Variants in COL13A1 observed in about 807,000 individuals in gnomAD.
COL13A1 encodes collagen type XIII alpha 1 chain, also known as collagen alpha-1(XIII) chain.
In COL13A1, 89 loss-of-function variants were observed where a neutral mutation model predicts 130.9. That is an observed-to-expected ratio of 0.68 (90% CI 0.57 to 0.81). The LOEUF (loss-of-function observed/expected upper bound fraction) is 0.81. Among genes scored for constraint, COL13A1 ranks in the 30% least tolerant of loss-of-function variants. The pLI, the probability that COL13A1 is intolerant of heterozygous loss-of-function variation, is 0.00. For missense variants in COL13A1, 879 were observed against 934.6 expected, an observed-to-expected ratio of 0.94 and a Z score of 0.78; for synonymous variants, 402 against 341.6, an observed-to-expected ratio of 1.18 and a Z score of -1.95.
chr10:69,922,442 C>G (rs1289895362), intron 22 of COL13A1, among the ~76,000 whole-genome samples: 2 of 152,226 alleles, frequency 1.3e-5, no homozygotes, highest in African/African-American at 2.4e-5. Context: ...TCTCAACCCA[C>G]TGAACAGTGT....
At chr10:69,917,761 C>T (rs554679342) in intron 18 of COL13A1, among the ~76,000 whole-genome samples, 3 of 152,068 alleles carry the variant, frequency 2.0e-5, no homozygotes, top group South Asian at 4.2e-4. Context: ...CTCCCCAGTC[C>T]ATGAGGGCAG....
intron 2 of COL13A1, among the ~76,000 whole-genome samples, chr10:69,845,528 C>G (rs1004047214): frequency 8.6e-5 from 13 of 152,024 alleles, no homozygotes; most frequent in Non-Finnish European, 1.8e-4. Context: ...AATACCCCCA[C>G]CCCTGCAGCT....
chr10:69,906,932 T>C (rs1253442201), intron 17 of COL13A1, among the ~76,000 whole-genome samples: 3 of 152,124 alleles, frequency 2.0e-5, no homozygotes, highest in African/African-American at 7.2e-5. Flanking sequence ...GGTTTCACCA[T>C]GTTGGCCAGG....
In COL13A1 at chr10:69,802,087, G is replaced by A. The variant is rs1019290608; in HGVS notation, c.-337G>A. ...CGAGGCGCCCAGAAGGACTGACAGC[G>A]CGGCACCAACTGCTCTGCAGACACT... is the stretch of plus-strand genomic sequence containing the variant. On this transcript the variant is annotated 5_prime_UTR_variant, in exon 1 of 41. Coordinates refer to ENST00000645393, the MANE Select transcript of COL13A1 (RefSeq NM_001368882.1). 8.6e-6 allele frequency: 2 copies of A among 232,960 alleles called. No homozygotes were observed. Among genetic ancestry groups the A allele is most frequent in the African/African-American group, 2.3e-5 (1 of 43,944 alleles). 14.4% of individuals were successfully genotyped at this position (232,960 alleles called of 1,614,324 possible). A position where few individuals can be genotyped will look rare whatever the true frequency, so the allele number is the denominator to read the frequency against.
intron 22 of COL13A1, among the ~76,000 whole-genome samples, chr10:69,922,462 T>C (rs2064810251): frequency 6.6e-6 from 1 of 152,218 alleles, no homozygotes; most frequent in Non-Finnish European, 1.5e-5. Context: ...TTCCGTGGAA[T>C]ACACTTTGAG....
At chr10:69,874,992 A>G (rs1053817416) in intron 4 of COL13A1, 136 bp from the exon 5 acceptor site, 1 of 951,408 alleles carries the variant, frequency 1.1e-6, no homozygotes, top group Non-Finnish European at 1.6e-6. Flanking sequence ...ATGCTTGGGC[A>G]TCATACGGGA....
In COL13A1 at chr10:69,802,488, C is replaced by T; in HGVS notation, c.65C>T (p.Ala22Val). The change falls in exon 1 of 41, where the codon GCG becomes GTG. Residue 22 changes from alanine (A) to valine (V), a missense_variant. By Grantham distance (64) the Ala-to-Val change is moderately conservative. Coordinates refer to ENST00000645393, the MANE Select transcript of COL13A1 (RefSeq NM_001368882.1). Reference sequence around the variant, plus strand: ...GCCCGCGGCCCTGGGGAGTTGGGCGCGCCCGGGACGGTGGCTCTGGTGGCG... The same window carrying T: ...GCCCGCGGCCCTGGGGAGTTGGGCGTGCCCGGGACGGTGGCTCTGGTGGCG... ...TGARGPGELG[A>V]PGTVALVAAR... 6.6e-7 allele frequency: 1 copy of T among 1,522,792 alleles called. No individual in the cohort carries two copies. Among genetic ancestry groups the T allele is most frequent in the Non-Finnish European group, 8.8e-7 (1 of 1,138,026 alleles). 94.3% of individuals were successfully genotyped at this position (1,522,792 alleles called of 1,614,324 possible).
chr10:69,842,036 C>T (rs996332835), intron 2 of COL13A1, among the ~76,000 whole-genome samples: 1 of 152,202 alleles, frequency 6.6e-6, no homozygotes, highest in African/African-American at 2.4e-5. Context: ...ATTATGAAAG[C>T]TCAGACTAGC....
intron 19 of COL13A1, among the ~76,000 whole-genome samples, 179 bp downstream of exon 19, chr10:69,918,496 G>A (rs2064216141): frequency 6.6e-6 from 1 of 152,214 alleles, no homozygotes; most frequent in Admixed American, 6.5e-5. Context: ...AGCCACAGAT[G>A]TGTAACTAAG....
chr10:69,810,430 C>T (rs1282880473), intron 1 of COL13A1, among the ~76,000 whole-genome samples: 1 of 147,466 alleles, frequency 6.8e-6, no homozygotes, highest in African/African-American at 2.5e-5. Flanking sequence ...ACAGTGAAAC[C>T]CAGACCCCCT....
At position 69,930,532 on chromosome 10, in the gene COL13A1, A is replaced by T; in HGVS notation, c.1663A>T (p.Thr555Ser). The T allele has an allele frequency of 6.2e-7, 1 of 1,613,700 alleles. No homozygotes were observed. The highest frequency in any genetic ancestry group is 8.5e-7 in the Non-Finnish European group (1 of 1,179,786). Reference protein sequence around the residue: ...SPGEKGEKGETGQAGSPGEKG... With the variant: ...SPGEKGEKGESGQAGSPGEKG... ...AGGAGAGAAGGGGGAAAAAGGGGAG[A>T]CAGGACAAGCAGGCTCACCGGTGAG... The change falls in exon 30 of 41, where the codon ACA (threonine) becomes TCA (serine). Residue 555 changes from threonine to serine, a missense_variant. Thr to Ser is a moderately conservative substitution (Grantham distance 58, BLOSUM62 1). Transcript: ENST00000645393.
At chr10:69,869,741 C>A (rs2094607283) in intron 3 of COL13A1, among the ~76,000 whole-genome samples, 3 of 152,208 alleles carry the variant, frequency 2.0e-5, no homozygotes, top group Admixed American at 1.3e-4. Flanking sequence ...GGCATCAGTG[C>A]TCAAGCTGAC....
In COL13A1 at chr10:69,828,485, C is replaced by G. The variant is rs1414574223; in HGVS notation, c.364+6047C>G. Among the ~76,000 whole-genome samples the G allele has an allele frequency of 3.3e-5, 5 of 152,332 alleles. No homozygotes were observed. The East Asian group carries it at 9.6e-4, about 29-fold the overall frequency. ...TCATACCCCCCATCCCAAAGATAAGCCCACTTTGTCTCTCTAGCCTGATCT... is the reference window on the plus strand; with the variant it reads ...TCATACCCCCCATCCCAAAGATAAGGCCACTTTGTCTCTCTAGCCTGATCT... On this transcript the variant is annotated intron_variant, in intron 2 of 40. Coordinates refer to ENST00000645393, the MANE Select transcript of COL13A1 (RefSeq NM_001368882.1).
intron 33 of COL13A1, 146 bp downstream of exon 33, chr10:69,936,928 G>A (rs991001953): frequency 1.2e-6 from 1 of 863,818 alleles, no homozygotes; most frequent in African/African-American, 1.7e-5. Context: ...GGAAGTCCTA[G>A]ATTCCCTTTA....
intron 1 of COL13A1, among the ~76,000 whole-genome samples, chr10:69,815,967 G>A (rs1360636720): frequency 1.3e-5 from 2 of 151,854 alleles, no homozygotes; most frequent in East Asian, 3.9e-4. Context: ...GGTGCAGGAG[G>A]TGAGGAAGGC....
intron 16 of COL13A1, among the ~76,000 whole-genome samples, 183 bp downstream of exon 16, chr10:69,905,142 T>C (rs1002508730): frequency 2.6e-5 from 4 of 152,144 alleles, no homozygotes; most frequent in African/African-American, 9.7e-5. Flanking sequence ...CCAACAAGAA[T>C]TGCACTTCTT....
At position 69,802,725 on chromosome 10, in the gene COL13A1, C is replaced by A; in HGVS notation, c.294+8C>A. On this transcript the variant is annotated splice_region_variant and intron_variant, in intron 1 of 40. Coordinates refer to ENST00000645393, the MANE Select transcript of COL13A1 (RefSeq NM_001368882.1). ...AATCAACTGCTGGACGAGGTCTGTGCTCTTTGTTGCTGGCTTTTATCCCTC... is the reference window on the plus strand; with the variant it reads ...AATCAACTGCTGGACGAGGTCTGTGATCTTTGTTGCTGGCTTTTATCCCTC... The A allele has an allele frequency of 6.2e-7, 1 of 1,609,820 alleles. No individual in the cohort carries two copies. Among genetic ancestry groups the A allele is most frequent in the Non-Finnish European group, 8.5e-7 (1 of 1,178,310 alleles).
chr10:69,832,286 C>T (rs577404611), intron 2 of COL13A1, among the ~76,000 whole-genome samples: 1 of 152,312 alleles, frequency 6.6e-6, no homozygotes, highest in East Asian at 1.9e-4. Context: ...GGTATACCCA[C>T]CCTTAAAGAT....
Position 69,802,712 on chromosome 10 carries a change from G to A in COL13A1, c.289G>A (p.Asp97Asn). 6.2e-7 allele frequency: 1 copy of A among 1,611,692 alleles called. No homozygotes were observed. The highest frequency in any genetic ancestry group is 1.7e-5 in the Admixed American group (1 of 59,966). The change falls in exon 1 of 41, where the codon GAC becomes AAC. Residue 97 changes from aspartate to asparagine, a missense_variant. Around this residue, in one of 3 missense-constraint regions of COL13A1, gnomAD observed 715 missense variants for 721.0 expected, o/e 0.99. Transcript: ENST00000645393. Reference sequence around the variant, plus strand: ...TTTGGGACGAGTCAATCAACTGCTGGACGAGGTCTGTGCTCTTTGTTGCTG... The same window carrying A: ...TTTGGGACGAGTCAATCAACTGCTGAACGAGGTCTGTGCTCTTTGTTGCTG... Reference protein sequence around the residue: ...AILGRVNQLLDEKWKLHSRRR... With the variant: ...AILGRVNQLLNEKWKLHSRRR...
Sources: allele counts gnomAD v4.1 joint callset (sites outside exome capture counted in the v4.1 genomes callset), GRCh38; gene constraint gnomAD v4.1.1; regional missense constraint gnomAD v4.1.1; transcripts MANE v1.5; gene names NCBI Gene and HGNC (gene_info 2026-07-23, HGNC 2026-07-21).